CFAP54: variants seen among roughly 807,000 people sequenced by gnomAD.
CFAP54 encodes cilia and flagella associated protein 54, also known as cilia- and flagella-associated protein 54.
A neutral mutation model predicts 370.4 loss-of-function variants in CFAP54; 290 were observed. The observed-to-expected ratio is 0.78, with a 90% CI of 0.71 to 0.86. CFAP54 has a LOEUF of 0.86. Ranked by LOEUF, CFAP54 falls within the 40% of genes least tolerant of loss-of-function variation. The probability of loss-of-function intolerance (pLI) is 0.00; values close to 1 mark genes in which losing one functional copy is unlikely to be tolerated. For missense variants in CFAP54, 3,399 were observed against 3,528.7 expected (o/e 0.96, Z 0.93); for synonymous variants, 1,206 against 1,236.5 (o/e 0.98, Z 0.52).
At chr12:96,664,088 C>T (rs185015431) in intron 39 of CFAP54, among the ~76,000 whole-genome samples, 156 bp downstream of exon 39, 71 of 152,238 alleles carry the variant, frequency 4.7e-4, no homozygotes, top group Non-Finnish European at 1.6e-4. Flanking sequence ...CGCCATCTTA[C>T]GTTGCTATAA....
intron 33 of CFAP54, chr12:96,646,573 A>G (rs1165348250): frequency 6.6e-6 from 1 of 152,192 alleles, no homozygotes; most frequent in Non-Finnish European, 1.5e-5. Context: ...AACTAGAAAT[A>G]CCATTTGACC....
At chr12:96,677,550 G>A (rs1215773531) in intron 39 of CFAP54, among the ~76,000 whole-genome samples, 1 of 152,112 alleles carries the variant, frequency 6.6e-6, no homozygotes, top group Non-Finnish European at 1.5e-5. Flanking sequence ...CTGCCTGCCT[G>A]GGACCATGCA....
At chr12:96,598,821 T>C (rs1956207852) in intron 26 of CFAP54, 54 bp downstream of exon 26, 1 of 439,844 alleles carries the variant, frequency 2.3e-6, no homozygotes, top group Non-Finnish European at 4.0e-6. Context: ...GATGATGATT[T>C]GGAAAGTCTA....
intron 22 of CFAP54, among the ~76,000 whole-genome samples, chr12:96,585,685 A>C (rs1956070990): frequency 6.6e-6 from 1 of 152,172 alleles, no homozygotes; most frequent in South Asian, 2.1e-4. Flanking sequence ...CAGGATGATA[A>C]GAAGGCCTAT....
chr12:96,700,188 C>G, intron 46 of CFAP54, 95 bp downstream of exon 46: 1 of 1,349,952 alleles, frequency 7.4e-7, no homozygotes, highest in Admixed American at 2.4e-5. Flanking sequence ...TATTTACAAT[C>G]TCTGGTATTT....
At position 96,678,483 on chromosome 12, in the gene CFAP54, C is replaced by G. The variant is rs565010081; in HGVS notation, c.5564-1117C>G. On this transcript the variant is annotated intron_variant, in intron 39 of 67. Transcript: ENST00000524981. Reference sequence around the variant, plus strand: ...GCCAGGATGGTCTCAAACTCCTAACCTCAAGTGATCCACCTGCCACGGCCT... The same window carrying G: ...GCCAGGATGGTCTCAAACTCCTAACGTCAAGTGATCCACCTGCCACGGCCT... Among the ~76,000 whole-genome samples, 176 of 152,308 alleles carry G rather than the reference C, an allele frequency of 1.2e-3. 2 individuals carry two copies. The highest frequency in any genetic ancestry group is 3.9e-3 in the African/African-American group (163 of 41,564).
intron 64 of CFAP54, among the ~76,000 whole-genome samples, chr12:96,814,756 C>G (rs1271443365): frequency 6.6e-6 from 1 of 152,126 alleles, no homozygotes; most frequent in East Asian, 1.9e-4. Flanking sequence ...CTCCCTGTGT[C>G]CATGTGTTCT....
rs11830231 is a variant in CFAP54 at position 96,741,453 on chromosome 12, G to A, written c.7072-986G>A. Reference sequence around the variant, plus strand: ...GCTGAGATTACAGGTGTGAGCCACCGCGCCGCGCATGTTGACTGCTTACCC... The same window carrying A: ...GCTGAGATTACAGGTGTGAGCCACCACGCCGCGCATGTTGACTGCTTACCC... On this transcript the variant is annotated intron_variant, in intron 51 of 67. Transcript: ENST00000524981. 4.9e-4 allele frequency among the ~76,000 whole-genome samples: 75 copies of A among 152,162 alleles called. No homozygotes were observed. In the East Asian group the frequency reaches 8.7e-3, roughly 18 times the overall value.
chr12:96,589,904 G>A (rs777159844), intron 23 of CFAP54, among the ~76,000 whole-genome samples: 5 of 151,976 alleles, frequency 3.3e-5, no homozygotes, highest in East Asian at 1.9e-4. Context: ...GCACCACCAC[G>A]CCCTGCTAAT....
intron 1 of CFAP54, among the ~76,000 whole-genome samples, chr12:96,496,379 T>TA (rs1954955124): frequency 6.6e-6 from 1 of 152,220 alleles, no homozygotes; most frequent in Admixed American, 6.5e-5. Context: ...CCAGGTGGCT[T>TA]AAACAACAGA....
chr12:96,754,513 G>T (rs1326422460), intron 56 of CFAP54, among the ~76,000 whole-genome samples: 2 of 152,106 alleles, frequency 1.3e-5, no homozygotes, highest in Non-Finnish European at 2.9e-5. Context: ...AAATAGCTCT[G>T]CAAGGTAGGC....
chr12:96,753,851 C>T lies in CFAP54; in HGVS notation c.7793C>T (p.Thr2598Ile), dbSNP rs776507922. The change falls in exon 56 of 68, where the codon ACA becomes ATA. Residue 2598 changes from threonine (T) to isoleucine (I), a missense_variant. Coordinates refer to ENST00000524981, the MANE Select transcript of CFAP54 (RefSeq NM_001306084.2). ...FDVALKLCRT[T>I]AVEEHEVEAE... Reference sequence around the variant, plus strand: ...GTGGCACTGAAGCTCTGTAGAACAACAGCAGTGGAGGAACATGAGGTGGAA... The same window carrying T: ...GTGGCACTGAAGCTCTGTAGAACAATAGCAGTGGAGGAACATGAGGTGGAA... The T allele has an allele frequency of 6.2e-7, 1 of 1,613,916 alleles. No homozygotes were observed. Among genetic ancestry groups the T allele is most frequent in the Non-Finnish European group, 8.5e-7 (1 of 1,179,898 alleles).
rs1956499886 is a variant in CFAP54 at position 96,621,911 on chromosome 12, TATGGTC to T, written c.3771+192_3771+197del. Reference sequence around the variant, plus strand: ...TTTTTTTTTTTTTTTTTTTTTTAGTTATGGTCAAGAAAATGAAAAAGGAATCTCTGC... The same window carrying T: ...TTTTTTTTTTTTTTTTTTTTTTAGTTAAGAAAATGAAAAAGGAATCTCTGC... On this transcript the variant is annotated intron_variant, in intron 27 of 67. Transcript: ENST00000524981. 2.4e-5 allele frequency among the ~76,000 whole-genome samples: 3 copies of T among 123,622 alleles called. No individual in the cohort carries two copies. In the East Asian group the frequency reaches 6.4e-4, roughly 26 times the overall value. 81.1% of individuals were successfully genotyped at this position (123,622 alleles called of 152,430 possible). A position where few individuals can be genotyped will look rare whatever the true frequency, so the allele number is the denominator to read the frequency against.
intron 46 of CFAP54, among the ~76,000 whole-genome samples, chr12:96,701,383 T>C (rs1957489985): frequency 6.6e-6 from 1 of 152,158 alleles, no homozygotes; most frequent in Admixed American, 6.5e-5. Flanking sequence ...TTTTGAGTGC[T>C]TACTGAATAC....
At chr12:96,557,398 C>T (rs1226735305) in intron 17 of CFAP54, among the ~76,000 whole-genome samples, 1 of 152,068 alleles carries the variant, frequency 6.6e-6, no homozygotes, top group African/African-American at 2.4e-5. Context: ...TAAAGCTAAA[C>T]ATTAATCTAA....
chr12:96,737,051 T>A (rs34864679), intron 50 of CFAP54, among the ~76,000 whole-genome samples: 35,831 of 152,128 alleles, frequency 0.24, 4,415 homozygotes, highest in South Asian at 0.29. Context: ...ACACGTTGAG[T>A]ATCCCACATT....
intron 17 of CFAP54, among the ~76,000 whole-genome samples, chr12:96,558,936 C>T (rs1009332945): frequency 1.3e-5 from 2 of 152,138 alleles, no homozygotes; most frequent in Non-Finnish European, 2.9e-5. Context: ...CGAAGTAAGG[C>T]TGGGCACTGT....
intron 63 of CFAP54, among the ~76,000 whole-genome samples, chr12:96,796,410 G>A (rs1958762889): frequency 6.6e-6 from 1 of 152,186 alleles, no homozygotes; most frequent in African/African-American, 2.4e-5. Flanking sequence ...TTCTGGAGAA[G>A]TTTGTGTAAA....
At chr12:96,872,301 A>C (rs542058601) in intron 67 of CFAP54, among the ~76,000 whole-genome samples, 1 of 152,308 alleles carries the variant, frequency 6.6e-6, no homozygotes, top group African/African-American at 2.4e-5. Flanking sequence ...TGAAAGAAAA[A>C]AAAAGTCAAC....
Sources: gnomAD v4.1 joint callset for allele counts (sites outside exome capture counted in the v4.1 genomes callset) on GRCh38, gnomAD v4.1.1 for gene constraint, MANE v1.5 for transcripts, NCBI Gene and HGNC (gene_info 2026-07-23, HGNC 2026-07-21) for gene names.